The following AQP2 variants were observed in gnomAD, a reference collection of about 807,000 sequenced individuals.
The protein encoded by AQP2 is aquaporin 2.
AQP2 carries 20 observed loss-of-function variants against 21.6 expected under a neutral mutation model. The observed-to-expected ratio is 0.92, with a 90% CI of 0.65 to 1.34. The LOEUF is 1.34. AQP2 is among the 40% of genes most tolerant of loss of function. The pLI is 0.00. For missense variants in AQP2, 325 were observed against 363.4 expected (o/e 0.89, Z 0.86); for synonymous variants, 168 against 166.9 (o/e 1.01, Z -0.05).
intron 1 of AQP2, 77 bp from the exon 2 acceptor site, chr12:49,954,078 T>C: frequency 6.3e-7 from 1 of 1,581,876 alleles, no homozygotes; most frequent in Non-Finnish European, 8.6e-7. Flanking sequence ...GTGCCTCGAC[T>C]GCAGGTGGAC....
Position 49,957,662 on chromosome 12 carries a change from A to ACT in AQP2, c.*2058_*2059dup, listed in dbSNP as rs1460254144. 2 of 151,886 alleles carry ACT rather than the reference A, an allele frequency of 1.3e-5. No individual in the cohort carries two copies. The highest frequency in any genetic ancestry group is 2.9e-5 in the Non-Finnish European group (2 of 68,004). 9.4% of individuals were successfully genotyped at this position (151,886 alleles called of 1,614,324 possible). A position where few individuals can be genotyped will look rare whatever the true frequency, so the allele number is the denominator to read the frequency against. ...CTGGGCCATATGTGCTATGGAGAGG[A>ACT]CTCTCCCAAACCCCCAATAGCTAGT... On this transcript the variant is annotated 3_prime_UTR_variant, in exon 4 of 4. Transcript: ENST00000199280.
In AQP2 at chr12:49,950,847, C is replaced by T; in HGVS notation, c.17C>T (p.Ser6Phe). 1.2e-6 allele frequency: 2 copies of T among 1,612,856 alleles called. No individual in the cohort carries two copies. The highest frequency in any genetic ancestry group is 2.2e-5 in the South Asian group (2 of 91,070). MWELRSIAFSRAVFAE... is the reference protein window; with the variant it reads MWELRFIAFSRAVFAE... ...CTCTGCAGCATGTGGGAGCTCCGCTCCATAGCCTTCTCCAGGGCTGTGTTC... is the reference window on the plus strand; with the variant it reads ...CTCTGCAGCATGTGGGAGCTCCGCTTCATAGCCTTCTCCAGGGCTGTGTTC... The change falls in exon 1 of 4, where the codon TCC becomes TTC. Residue 6 changes from serine (S) to phenylalanine (F), a missense_variant. Coordinates refer to ENST00000199280, the MANE Select transcript of AQP2 (RefSeq NM_000486.6).
rs1200428217 is a variant in AQP2 at position 49,955,524 on chromosome 12, C to T, written c.732C>T (p.Thr244=). Residue 244 remains threonine, a synonymous_variant, in exon 4 of 4, where the codon ACC becomes ACT. Coordinates refer to ENST00000199280, the MANE Select transcript of AQP2 (RefSeq NM_000486.6). ...LAVLKGLEPD[T]DWEEREVRRR... Reference sequence around the variant, plus strand: ...TGCTGAAGGGCCTGGAGCCGGACACCGATTGGGAGGAGCGCGAGGTGCGAC... The same window carrying T: ...TGCTGAAGGGCCTGGAGCCGGACACTGATTGGGAGGAGCGCGAGGTGCGAC... 2.5e-6 allele frequency: 4 copies of T among 1,611,842 alleles called. No homozygotes were observed. The highest frequency in any genetic ancestry group is 2.7e-5 in the African/African-American group (2 of 75,032).
intron 1 of AQP2, among the ~76,000 whole-genome samples, chr12:49,952,989 C>T (rs909068548): frequency 1.3e-5 from 2 of 152,224 alleles, no homozygotes; most frequent in Non-Finnish European, 2.9e-5. Flanking sequence ...TGAGGCTCAA[C>T]AGCAATTGAT....
rs143497314 is a variant in AQP2 at position 49,950,992 on chromosome 12, C to T, written c.162C>T (p.Thr54=). The T allele has an allele frequency of 2.5e-6, 4 of 1,614,048 alleles. No homozygotes were observed. Among genetic ancestry groups the T allele is most frequent in the Non-Finnish European group, 3.4e-6 (4 of 1,180,046 alleles). Residue 54 remains threonine (T), a synonymous_variant, in exon 1 of 4, where the codon ACC becomes ACT. Coordinates refer to ENST00000199280, the MANE Select transcript of AQP2 (RefSeq NM_000486.6). ...TGGCGTTTGGCTTGGGTATTGGCAC[C>T]CTGGTACAGGCTCTGGGCCACATAA... ...IAMAFGLGIG[T]LVQALGHISG... is the part of the protein sequence containing the mutation.
intron 1 of AQP2, chr12:49,951,549 T>C: frequency 3.6e-6 from 1 of 281,144 alleles, no homozygotes; most frequent in Non-Finnish European, 6.7e-6. Context: ...GCGGGGAGCC[T>C]TGGAGTGATC....
At position 49,950,808 on chromosome 12, in the gene AQP2, C is replaced by T; in HGVS notation, c.-23C>T. 1.9e-6 allele frequency: 3 copies of T among 1,599,414 alleles called. No homozygotes were observed. Among genetic ancestry groups the T allele is most frequent in the Non-Finnish European group, 2.6e-6 (3 of 1,169,706 alleles). Reference sequence around the variant, plus strand: ...GCATCCTGGCCCTGAGACAGCTGGGCCAGCCCCGCAGGGCTCTGCAGCATG... The same window carrying T: ...GCATCCTGGCCCTGAGACAGCTGGGTCAGCCCCGCAGGGCTCTGCAGCATG... On this transcript the variant is annotated 5_prime_UTR_variant, in exon 1 of 4. Coordinates refer to ENST00000199280, the MANE Select transcript of AQP2 (RefSeq NM_000486.6).
chr12:49,951,717 C>A (rs1483562157), intron 1 of AQP2: 1 of 153,326 alleles, frequency 6.5e-6, no homozygotes, highest in African/African-American at 2.4e-5. Flanking sequence ...TTGAGGAGGT[C>A]CCCGGAGCCC....
rs1947392405 is a variant in AQP2, at chr12:49,958,646, C to T, written c.*3038C>T. 1 of 152,276 alleles carries T rather than the reference C, an allele frequency of 6.6e-6. No homozygotes were observed. Among genetic ancestry groups the T allele is most frequent in the South Asian group, 2.1e-4 (1 of 4,834 alleles). The allele number at this position is 152,276 out of a possible 1,614,324, so 9.4% of individuals were successfully genotyped here. On this transcript the variant is annotated 3_prime_UTR_variant, in exon 4 of 4. Transcript: ENST00000199280. ...CCCTAAGCTGGGGACAGAGAAGGTT[C>T]TGAGCTGTCCCATACTCCCACTTTG... is the stretch of plus-strand genomic sequence containing the variant.
rs1947387712 is a variant in AQP2, at chr12:49,958,305, A to G, written c.*2697A>G. 1 of 152,252 alleles carries G rather than the reference A, an allele frequency of 6.6e-6. No individual in the cohort carries two copies. Among genetic ancestry groups the G allele is most frequent in the African/African-American group, 2.4e-5 (1 of 41,458 alleles). 9.4% of individuals were successfully genotyped at this position (152,252 alleles called of 1,614,324 possible). A position where few individuals can be genotyped will look rare whatever the true frequency, so the allele number is the denominator to read the frequency against. On this transcript the variant is annotated 3_prime_UTR_variant, in exon 4 of 4. Coordinates refer to ENST00000199280, the MANE Select transcript of AQP2 (RefSeq NM_000486.6). Reference sequence around the variant, plus strand: ...CTAAGGGACTGGTCTAAAGTCTCACAGGTAGTATATGGTGGAGCCAACACT... The same window carrying G: ...CTAAGGGACTGGTCTAAAGTCTCACGGGTAGTATATGGTGGAGCCAACACT...
At position 49,950,888 on chromosome 12, in the gene AQP2, A is replaced by G; in HGVS notation, c.58A>G (p.Thr20Ala). The G allele has an allele frequency of 6.2e-7, 1 of 1,613,806 alleles. No individual in the cohort carries two copies. Among genetic ancestry groups the G allele is most frequent in the Non-Finnish European group, 8.5e-7 (1 of 1,179,688 alleles). The stretch of plus-strand genomic sequence containing the variant: ...GGCTGTGTTCGCAGAGTTCCTGGCC[A>G]CACTCCTCTTCGTCTTCTTTGGCCT... ...SRAVFAEFLATLLFVFFGLGS... is the reference protein window; with the variant it reads ...SRAVFAEFLAALLFVFFGLGS... The change falls in exon 1 of 4, where the codon ACA becomes GCA. Residue 20 changes from threonine (T) to alanine (A), a missense_variant. Physicochemically the swap from Thr to Ala is moderately conservative, Grantham distance 58 (BLOSUM62 0). Transcript: ENST00000199280.
rs1565638181 is a variant in AQP2 at position 49,958,373 on chromosome 12, T to C, written c.*2765T>C. On this transcript the variant is annotated 3_prime_UTR_variant, in exon 4 of 4. Transcript: ENST00000199280. ...ACACAAAATCCCATGATTTTTCCAC[T>C]GAGACAAATCCTAGGCTCCTGGGAG... The C allele has an allele frequency of 6.6e-6, 1 of 152,246 alleles. No homozygotes were observed. The highest frequency in any genetic ancestry group is 1.5e-5 in the Non-Finnish European group (1 of 68,046). The allele number at this position is 152,246 out of a possible 1,614,324, so 9.4% of individuals were successfully genotyped here.
In AQP2 at chr12:49,956,489, T is replaced by C. The variant is rs1947371349; in HGVS notation, c.*881T>C. ...AAGCAGGCATATGAGTGCGCACGCC[T>C]TCACGTGTGTGTATGCTGTGTGTGC... On this transcript the variant is annotated 3_prime_UTR_variant, in exon 4 of 4. Coordinates refer to ENST00000199280, the MANE Select transcript of AQP2 (RefSeq NM_000486.6). 1 of 152,192 alleles carries C rather than the reference T, an allele frequency of 6.6e-6. No individual in the cohort carries two copies. The allele number at this position is 152,192 out of a possible 1,614,324, so 9.4% of individuals were successfully genotyped here.
chr12:49,955,682 C>T lies in AQP2; in HGVS notation c.*74C>T. 2.0e-6 allele frequency: 3 copies of T among 1,500,488 alleles called. No homozygotes were observed. The South Asian group carries it at 3.6e-5, about 18-fold the overall frequency. The allele number at this position is 1,500,488 out of a possible 1,614,324, so 92.9% of individuals were successfully genotyped here. A position where few individuals can be genotyped will look rare whatever the true frequency, so the allele number is the denominator to read the frequency against. On this transcript the variant is annotated 3_prime_UTR_variant, in exon 4 of 4. Transcript: ENST00000199280. ...GGCAGAAGGGCCCACCCCGTCCCTC[C>T]TCTCCCGCAGGTCTGAAGTTGGCCC...
chr12:49,954,867 C>G (rs1362510295), intron 3 of AQP2, among the ~76,000 whole-genome samples, 157 bp downstream of exon 3: 1 of 152,224 alleles, frequency 6.6e-6, no homozygotes, highest in Non-Finnish European at 1.5e-5. Context: ...CCCCTCAGAT[C>G]TGATGCCAAA....
chr12:49,954,599 T>G (rs1947352895), intron 2 of AQP2, 31 bp from the exon 3 acceptor site: 1 of 1,611,836 alleles, frequency 6.2e-7, no homozygotes, highest in Non-Finnish European at 8.5e-7. Context: ...CTCACCTCCC[T>G]TCTCTCTTTG....
At position 49,955,888 on chromosome 12, in the gene AQP2, G is replaced by C. The variant is rs910953462; in HGVS notation, c.*280G>C. ...ACTGGGAACTTAGGGGACTGAGCTG[G>C]GGAGGGAGGCAGGTGGGTGGTAAGA... is the stretch of plus-strand genomic sequence containing the variant. On this transcript the variant is annotated 3_prime_UTR_variant, in exon 4 of 4. Transcript: ENST00000199280. 12 of 607,516 alleles carry C rather than the reference G, an allele frequency of 2.0e-5. No individual in the cohort carries two copies. The African/African-American group carries it at 2.2e-4, about 11-fold the overall frequency. 37.6% of individuals were successfully genotyped at this position (607,516 alleles called of 1,614,324 possible).
At position 49,955,994 on chromosome 12, in the gene AQP2, A is replaced by T. The variant is rs137959340; in HGVS notation, c.*386A>T. On this transcript the variant is annotated 3_prime_UTR_variant, in exon 4 of 4. Transcript: ENST00000199280. ...GCCTTGGGGGTTCCGGGAATGATGC[A>T]ACTGGTTTTACTAGTGTGCAAGTGT... 2 of 401,586 alleles carry T rather than the reference A, an allele frequency of 5.0e-6. No homozygotes were observed. Among genetic ancestry groups the T allele is most frequent in the African/African-American group, 2.0e-5 (1 of 49,220 alleles). The allele number at this position is 401,586 out of a possible 1,614,324, so 24.9% of individuals were successfully genotyped here. A position where few individuals can be genotyped will look rare whatever the true frequency, so the allele number is the denominator to read the frequency against.
At position 49,954,618 on chromosome 12, in the gene AQP2, C is replaced by T; in HGVS notation, c.526-12C>T. 1.9e-6 allele frequency: 3 copies of T among 1,614,088 alleles called. No homozygotes were observed. Among genetic ancestry groups the T allele is most frequent in the Non-Finnish European group, 2.5e-6 (3 of 1,179,898 alleles). On this transcript the variant is annotated splice_polypyrimidine_tract_variant and intron_variant, in intron 2 of 3. Coordinates refer to ENST00000199280, the MANE Select transcript of AQP2 (RefSeq NM_000486.6). ...CCTCCCTTCTCTCTTTGATGCCCTC[C>T]TCCCACTGCAGATCCATTACACCGG...
Sources: allele counts gnomAD v4.1 joint callset (sites outside exome capture counted in the v4.1 genomes callset), GRCh38; gene constraint gnomAD v4.1.1; transcripts MANE v1.5; gene names NCBI Gene and HGNC (gene_info 2026-07-23, HGNC 2026-07-21).